RABGAP1L: variants seen among roughly 807,000 people sequenced by gnomAD.
RABGAP1L encodes the protein RAB GTPase activating protein 1 like, also known as rab GTPase-activating protein 1-like.
A neutral mutation model predicts 137.7 loss-of-function variants in RABGAP1L; 63 were observed. The ratio of observed to expected loss-of-function variants is 0.46; its 90% CI spans 0.37 to 0.56. The LOEUF (loss-of-function observed/expected upper bound fraction) is 0.56, where lower values mean the gene tolerates loss of function less well. Ranked by LOEUF, RABGAP1L falls within the 20% of genes least tolerant of loss-of-function variation. RABGAP1L has a pLI of 0.00. For missense variants in RABGAP1L, 1,095 were observed against 1,244.0 expected (o/e 0.88, Z 1.80); for synonymous variants, 431 against 433.7 (o/e 0.99, Z 0.08).
chr1:174,906,993 A>C (rs1659200110), intron 19 of RABGAP1L, among the ~76,000 whole-genome samples: 1 of 152,140 alleles, frequency 6.6e-6, no homozygotes, highest in Admixed American at 6.6e-5. Flanking sequence ...ACAAGTAAAA[A>C]CTGAATCATT....
At chr1:174,291,875 C>G (rs1326829288) in intron 10 of RABGAP1L, among the ~76,000 whole-genome samples, 1 of 151,496 alleles carries the variant, frequency 6.6e-6, no homozygotes, top group East Asian at 1.9e-4. Context: ...ATTTTCCCTC[C>G]AAAGAGCCAG....
intron 19 of RABGAP1L, among the ~76,000 whole-genome samples, chr1:174,818,035 G>A (rs970759175): frequency 6.6e-6 from 1 of 152,148 alleles, no homozygotes; most frequent in African/African-American, 2.4e-5. Context: ...GTTGTTCGTG[G>A]TACATATCCA....
At chr1:174,972,092 T>TA (rs1670185087) in intron 21 of RABGAP1L, among the ~76,000 whole-genome samples, 2 of 152,092 alleles carry the variant, frequency 1.3e-5, no homozygotes, top group African/African-American at 4.8e-5. Flanking sequence ...TGATTAGAAG[T>TA]GAAAAAAAGG....
intron 11 of RABGAP1L, among the ~76,000 whole-genome samples, chr1:174,327,119 A>C (rs1185122107): frequency 6.6e-6 from 1 of 152,174 alleles, no homozygotes; most frequent in African/African-American, 2.4e-5. Context: ...AAAAAATCTG[A>C]AGATATAAAA....
At chr1:174,776,858 C>A (rs1325553717) in intron 18 of RABGAP1L, among the ~76,000 whole-genome samples, 1 of 152,106 alleles carries the variant, frequency 6.6e-6, no homozygotes, top group Non-Finnish European at 1.5e-5. Flanking sequence ...CCTTTTAAAT[C>A]CTTCTGTTTG....
At chr1:174,353,891 C>T (rs1452972048) in intron 11 of RABGAP1L, among the ~76,000 whole-genome samples, 4 of 152,122 alleles carry the variant, frequency 2.6e-5, no homozygotes, top group South Asian at 4.1e-4. Context: ...GTCTGGTATT[C>T]GAATTTGCTC....
At chr1:174,725,437 T>C (rs546973422) in intron 17 of RABGAP1L, among the ~76,000 whole-genome samples, 3 of 152,358 alleles carry the variant, frequency 2.0e-5, no homozygotes, top group Non-Finnish European at 2.9e-5. Context: ...TTATTTGTTG[T>C]TGTTGTTTAC....
At chr1:174,647,939 G>T (rs1675124831) in intron 14 of RABGAP1L, among the ~76,000 whole-genome samples, 1 of 152,046 alleles carries the variant, frequency 6.6e-6, no homozygotes, top group South Asian at 2.1e-4. Flanking sequence ...TCTTGGGAGG[G>T]TGTATGTATT....
intron 13 of RABGAP1L, among the ~76,000 whole-genome samples, chr1:174,623,364 A>G (rs1478652810): frequency 2.6e-5 from 4 of 152,172 alleles, no homozygotes; most frequent in East Asian, 3.8e-4. Flanking sequence ...CAGTTCTGAC[A>G]CCAGTTGTAA....
intron 13 of RABGAP1L, among the ~76,000 whole-genome samples, chr1:174,515,083 C>T (rs1271152198): frequency 6.6e-6 from 1 of 151,428 alleles, no homozygotes; most frequent in Non-Finnish European, 1.5e-5. Flanking sequence ...ATATTTTTTC[C>T]AATTAAAAAA....
intron 13 of RABGAP1L, among the ~76,000 whole-genome samples, chr1:174,509,194 C>T (rs910766691): frequency 4.5e-4 from 68 of 152,238 alleles, no homozygotes; most frequent in Admixed American, 5.9e-4. Context: ...CAATGCCGTA[C>T]ATTCAAATAA....
At chr1:174,565,231 C>A (rs1667490904) in intron 13 of RABGAP1L, among the ~76,000 whole-genome samples, 1 of 152,086 alleles carries the variant, frequency 6.6e-6, no homozygotes. Context: ...GGGCTGGAAT[C>A]AATTTTATTC....
chr1:174,865,439 T>C (rs1488181340), intron 19 of RABGAP1L, among the ~76,000 whole-genome samples: 1 of 152,232 alleles, frequency 6.6e-6, no homozygotes, highest in Non-Finnish European at 1.5e-5. Flanking sequence ...AGAATGAAGC[T>C]CCTTTACAAA....
chr1:174,677,554 G>A (rs1677731668), intron 14 of RABGAP1L, among the ~76,000 whole-genome samples: 1 of 152,214 alleles, frequency 6.6e-6, no homozygotes, highest in Non-Finnish European at 1.5e-5. Flanking sequence ...TTGTTCCACA[G>A]TGGTCCTAGT....
rs1672005930 is a variant in RABGAP1L, at chr1:174,990,805, C to A, written c.*804C>A. ...ATAAAGTTAAAGGTGGATATTGCACCTTACAGACTTAGGGAGCCTTTACCA... is the reference window on the plus strand; with the variant it reads ...ATAAAGTTAAAGGTGGATATTGCACATTACAGACTTAGGGAGCCTTTACCA... On this transcript the variant is annotated 3_prime_UTR_variant, in exon 26 of 26. Coordinates refer to ENST00000681986, the MANE Select transcript of RABGAP1L (RefSeq NM_001366446.1). The A allele has an allele frequency of 2.6e-5, 4 of 152,282 alleles. No individual in the cohort carries two copies. In the South Asian group the frequency reaches 8.3e-4, roughly 32 times the overall value. The allele number at this position is 152,282 out of a possible 1,614,324, so 9.4% of individuals were successfully genotyped here. A position where few individuals can be genotyped will look rare whatever the true frequency, so the allele number is the denominator to read the frequency against.
At chr1:174,259,918 T>C (rs1428712671) in intron 7 of RABGAP1L, among the ~76,000 whole-genome samples, 20 of 151,284 alleles carry the variant, frequency 1.3e-4, no homozygotes, top group Non-Finnish European at 2.9e-5. Context: ...CACTGCAACC[T>C]CTGCCTCCCG....
intron 14 of RABGAP1L, among the ~76,000 whole-genome samples, chr1:174,671,494 A>C (rs544677371): frequency 3.5e-4 from 53 of 152,310 alleles, no homozygotes; most frequent in African/African-American, 1.2e-3. Context: ...TTTTACATCT[A>C]ATTTGAGAGT....
At chr1:174,780,170 G>A (rs889083046) in intron 18 of RABGAP1L, among the ~76,000 whole-genome samples, 1 of 151,958 alleles carries the variant, frequency 6.6e-6, no homozygotes, top group Non-Finnish European at 1.5e-5. Context: ...GTTGGGTATG[G>A]CCTCACATTG....
chr1:174,234,202 T>C (rs74758252), intron 4 of RABGAP1L, among the ~76,000 whole-genome samples: 54,203 of 73,090 alleles, frequency 0.74, 21,110 homozygotes, highest in East Asian at 0.98. Flanking sequence ...AAAATTTTCT[T>C]CCATTTTGTA....
Sources: gnomAD v4.1 joint callset for allele counts (sites outside exome capture counted in the v4.1 genomes callset) on GRCh38, gnomAD v4.1.1 for gene constraint, MANE v1.5 for transcripts, NCBI Gene and HGNC (gene_info 2026-07-23, HGNC 2026-07-21) for gene names.